The following THTPA variants were observed in gnomAD, a reference collection of about 807,000 sequenced individuals.
The protein encoded by THTPA is thiamine triphosphatase, also known as thiamine-triphosphatase.
In THTPA, 16 loss-of-function variants were observed where a neutral mutation model predicts 16.5. That is an observed-to-expected ratio of 0.97 (90% CI 0.66 to 1.47). The LOEUF (loss-of-function observed/expected upper bound fraction) is 1.47, where lower values mean the gene tolerates loss of function less well. Ranked by LOEUF, THTPA falls within the 40% of genes most tolerant of loss-of-function variation. The pLI is 0.00. For missense variants in THTPA, 281 were observed against 280.9 expected (o/e 1.00, Z 0.00); for synonymous variants, 110 against 115.5 (o/e 0.95, Z 0.30).
chr14:23,538,509 G>A, the THTPA span, among the ~76,000 whole-genome samples: 1 of 151,900 alleles, frequency 6.6e-6, no homozygotes, highest in African/African-American at 2.4e-5. Flanking sequence ...TTGAACTGGA[G>A]ACAGTGCAGA....
the THTPA span, chr14:23,526,038 C>T: frequency 2.7e-5 from 41 of 1,536,292 alleles, no homozygotes; most frequent in East Asian, 4.9e-5. Context: ...CCCACCTCCC[C>T]CTCTGTCTCG....
At chr14:23,540,493 G>A in the THTPA span, among the ~76,000 whole-genome samples, 2 of 152,182 alleles carry the variant, frequency 1.3e-5, no homozygotes, top group Non-Finnish European at 2.9e-5. Context: ...TGGAGAGAAG[G>A]GGAAGAGAAA....
chr14:23,535,973 C>T, the THTPA span, among the ~76,000 whole-genome samples: 1 of 152,216 alleles, frequency 6.6e-6, no homozygotes, highest in African/African-American at 2.4e-5. This position sits in a 1 kb window ranked among gnomAD's most constrained non-coding sequence, Gnocchi z 4.5. Context: ...TATCCAGTGG[C>T]TTAGACTAAA....
chr14:23,550,222 T>C, the THTPA span, among the ~76,000 whole-genome samples: 5 of 152,112 alleles, frequency 3.3e-5, no homozygotes, highest in Admixed American at 3.3e-4. Context: ...CTGGTGATGG[T>C]GGAAGAGGAG....
the THTPA span, among the ~76,000 whole-genome samples, chr14:23,550,142 G>A: frequency 1.8e-4 from 28 of 152,240 alleles, no homozygotes; most frequent in Admixed American, 2.0e-4. Flanking sequence ...CAGAAGGTGA[G>A]GTTCTGATGA....
At chr14:23,529,912 C>CGGGTCA in the THTPA span, 1 of 992,134 alleles carries the variant, frequency 1.0e-6, no homozygotes, top group Non-Finnish European at 1.5e-6. Flanking sequence ...GGGCTGACTC[C>CGGGTCA]GGGTCAGTAG....
rs767120732 is a variant in THTPA at position 23,556,774 on chromosome 14, T to G, written c.17T>G (p.Ile6Ser). 1.2e-6 allele frequency: 2 copies of G among 1,613,176 alleles called. No homozygotes were observed. The highest frequency in any genetic ancestry group is 2.7e-5 in the African/African-American group (2 of 74,840). Residue 6 changes from isoleucine (I) to serine (S), a missense_variant, in exon 1 of 2, where the codon ATT becomes AGT. Physicochemically the swap from Ile to Ser is moderately radical, Grantham distance 142 (BLOSUM62 -2). Transcript: ENST00000288014. MAQGL[I>S]EVERKFLPGP... Reference sequence around the variant, plus strand: ...GCAGGTAGCATGGCCCAGGGCTTGATTGAGGTGGAGCGAAAGTTCCTTCCA... The same window carrying G: ...GCAGGTAGCATGGCCCAGGGCTTGAGTGAGGTGGAGCGAAAGTTCCTTCCA...
the THTPA span, chr14:23,513,045 A>G: frequency 6.6e-6 from 1 of 152,142 alleles, no homozygotes. Context: ...GGCAGCAGCC[A>G]GTGCCGGCAC....
At chr14:23,558,670 C>T in intron 1 of THTPA, 25 bp from the exon 2 acceptor site, 1 of 1,613,902 alleles carries the variant, frequency 6.2e-7, no homozygotes, top group South Asian at 1.1e-5. Context: ...GTCCATTTCT[C>T]TCCTCATTGT....
the THTPA span, among the ~76,000 whole-genome samples, chr14:23,518,196 T>C: frequency 6.6e-6 from 1 of 152,210 alleles, no homozygotes; most frequent in East Asian, 1.9e-4. The surrounding 1 kb of genome is among the most constrained non-coding windows in gnomAD (Gnocchi z 4.5). Flanking sequence ...GTTATATATA[T>C]GGAGCTCTAT....
upstream of THTPA, among the ~76,000 whole-genome samples, chr14:23,554,189 C>T (rs1428844807): frequency 6.6e-6 from 1 of 152,130 alleles, no homozygotes. Context: ...GCTGCTTTTG[C>T]CCCACTGGAT....
At chr14:23,528,976 G>C in the THTPA span, among the ~76,000 whole-genome samples, 1 of 152,254 alleles carries the variant, frequency 6.6e-6, no homozygotes, top group Non-Finnish European at 1.5e-5. Flanking sequence ...ATCTGGAAGA[G>C]GTCTGTTGGC....
chr14:23,542,287 G>A, the THTPA span: 3 of 152,604 alleles, frequency 2.0e-5, no homozygotes, highest in Non-Finnish European at 4.4e-5. Flanking sequence ...GAGGTGTGAG[G>A]AGAAAAGGGT....
chr14:23,524,141 G>A, the THTPA span: 4 of 1,535,974 alleles, frequency 2.6e-6, no homozygotes, highest in Non-Finnish European at 3.5e-6. This position sits in a 1 kb window ranked among gnomAD's most constrained non-coding sequence, Gnocchi z 5.6. Flanking sequence ...AGGGGTGGCT[G>A]TGGCAGGCGG....
At chr14:23,533,638 G>A in the THTPA span, 3 of 1,536,970 alleles carry the variant, frequency 2.0e-6, no homozygotes, top group Non-Finnish European at 2.6e-6. This position sits in a 1 kb window ranked among gnomAD's most constrained non-coding sequence, Gnocchi z 4.8. Flanking sequence ...TTTGGTCTTA[G>A]GCTCTTTGTC....
At chr14:23,524,447 C>A in the THTPA span, 2 of 1,535,722 alleles carry the variant, frequency 1.3e-6, no homozygotes, top group Non-Finnish European at 1.7e-6. This position sits in a 1 kb window ranked among gnomAD's most constrained non-coding sequence, Gnocchi z 5.6. Context: ...CTCATGCTTC[C>A]GTTTGAGAGG....
At chr14:23,531,342 G>T in the THTPA span, 2 of 1,230,530 alleles carry the variant, frequency 1.6e-6, no homozygotes, top group Non-Finnish European at 1.0e-6. Flanking sequence ...TTATCCCTTC[G>T]CAGCTTCTTC....
the THTPA span, chr14:23,521,836 GAA>G: frequency 6.8e-7 from 1 of 1,460,400 alleles, no homozygotes; most frequent in Non-Finnish European, 9.0e-7. Flanking sequence ...GGTGGGAACT[GAA>G]CAGTTCCTGT....
chr14:23,557,049 G>C lies in THTPA; in HGVS notation c.292G>C (p.Ala98Pro), dbSNP rs746661394. The change falls in exon 1 of 2, where the codon GCT (alanine) becomes CCT (proline). Residue 98 changes from alanine (A) to proline (P), a missense_variant. Coordinates refer to ENST00000288014, the MANE Select transcript of THTPA (RefSeq NM_024328.6). The part of the protein sequence containing the change: ...IVAQLCKVLR[A>P]DGLGAGDVAA... ...GGCCCAACTCTGTAAGGTGCTGCGG[G>C]CTGACGGCCTGGGGGCTGGAGATGT... is the stretch of plus-strand genomic sequence containing the variant. 4 of 1,614,240 alleles carry C rather than the reference G, an allele frequency of 2.5e-6. No homozygotes were observed. Among genetic ancestry groups the C allele is most frequent in the Non-Finnish European group, 3.4e-6 (4 of 1,180,052 alleles).
Sources: gnomAD v4.1 joint callset for allele counts (sites outside exome capture counted in the v4.1 genomes callset) on GRCh38, gnomAD v4.1.1 for gene constraint, Gnocchi (gnomAD v3.1) non-coding constraint, MANE v1.5 for transcripts, NCBI Gene and HGNC (gene_info 2026-07-23, HGNC 2026-07-21) for gene names.